KANK1: variants seen among roughly 807,000 people sequenced by gnomAD.
The protein encoded by KANK1 is KN motif and ankyrin repeat domain-containing protein 1.
A neutral mutation model predicts 106.2 loss-of-function variants in KANK1; 109 were observed. That is an observed-to-expected ratio of 1.03 (90% CI 0.88 to 1.20). KANK1 has a LOEUF of 1.20. Ranked by LOEUF, KANK1 falls within the 50% of genes most tolerant of loss-of-function variation. The probability of loss-of-function intolerance (pLI) is 0.00; values close to 1 mark genes in which losing one functional copy is unlikely to be tolerated. For missense variants in KANK1, 2,399 were observed against 1,710.7 expected (o/e 1.40, Z -7.10); for synonymous variants, 873 against 652.2 (o/e 1.34, Z -5.16).
chr9:520,263 G>C (rs893006351), intron 1 of KANK1, among the ~76,000 whole-genome samples: 58 of 151,788 alleles, frequency 3.8e-4, no homozygotes, highest in Admixed American at 3.8e-3. Flanking sequence ...ACCTCAGCCT[G>C]GGGAGGTTAA....
At chr9:661,135 C>T (rs10975623) in intron 1 of KANK1, among the ~76,000 whole-genome samples, 135,363 of 151,594 alleles carry the variant, frequency 0.89, 60,570 homozygotes, top group East Asian at 0.97. Flanking sequence ...ATTTAAACCC[C>T]TTTTTTAAAT....
chr9:506,223 A>G (rs7846750), intron 1 of KANK1, among the ~76,000 whole-genome samples: 19,848 of 152,120 alleles, frequency 0.13, 2,163 homozygotes, highest in African/African-American at 0.3. Context: ...TTTTTCTAAG[A>G]TAGAGACTGA....
At chr9:562,926 A>G (rs1013500865) in intron 1 of KANK1, among the ~76,000 whole-genome samples, 1 of 152,194 alleles carries the variant, frequency 6.6e-6, no homozygotes, top group African/African-American at 2.4e-5. Context: ...CACATTAGAG[A>G]GGCACCCATG....
At position 505,682 on chromosome 9, in the gene KANK1, T is replaced by C. The variant is rs1041047739; in HGVS notation, c.-84+928T>C. Among the ~76,000 whole-genome samples the C allele has an allele frequency of 4.6e-5, 7 of 152,342 alleles. No homozygotes were observed. The South Asian group carries it at 1.0e-3, about 23-fold the overall frequency. On this transcript the variant is annotated intron_variant, in intron 1 of 11. Transcript: ENST00000382297. ...TGGGCGAGTTGGCGTTAACAATTTA[T>C]GGCGTCCGCCAGCGCTCGCTTTCCG...
intron 1 of KANK1, among the ~76,000 whole-genome samples, chr9:641,546 G>T (rs1010047001): frequency 4.6e-5 from 7 of 152,286 alleles, no homozygotes; most frequent in Middle Eastern, 3.4e-3. Context: ...TAAGCGTTGG[G>T]ATTCCAAGGC....
At chr9:580,659 A>G (rs58060168) in intron 1 of KANK1, among the ~76,000 whole-genome samples, 9,566 of 152,270 alleles carry the variant, frequency 0.063, 791 homozygotes, top group East Asian at 0.23. Context: ...TTAGCTAGAC[A>G]TAAAGGTTCT....
Position 563,363 on chromosome 9 carries a change from C to G in KANK1, c.-84+58609C>G, listed in dbSNP as rs755673824. Among the ~76,000 whole-genome samples the G allele has an allele frequency of 5.3e-5, 8 of 152,284 alleles. 1 individual carries two copies. In the South Asian group the frequency reaches 8.3e-4, roughly 16 times the overall value. ...TCTTAAACTGTGAATATTCCATTAA[C>G]TGAGAACTCTGAACAGCCATTGTGT... On this transcript the variant is annotated intron_variant, in intron 1 of 11. Transcript: ENST00000382297.
In KANK1 at chr9:525,634, G is replaced by A. The variant is rs901544961; in HGVS notation, c.-84+20880G>A. On this transcript the variant is annotated intron_variant, in intron 1 of 11. Coordinates refer to ENST00000382297, the MANE Select transcript of KANK1 (RefSeq NM_015158.5). ...GGCCTCAAGTGATCTGCCTGCCTCC[G>A]CTTCCCAAAGTGAGGCATACAAAAA... Among the ~76,000 whole-genome samples the A allele has an allele frequency of 4.6e-5, 7 of 151,658 alleles. 1 individual carries two copies. Among genetic ancestry groups the A allele is most frequent in the African/African-American group, 1.2e-4 (5 of 41,040 alleles).
chr9:504,478 G>A (rs991744929), upstream of KANK1, among the ~76,000 whole-genome samples: 2 of 151,638 alleles, frequency 1.3e-5, no homozygotes, highest in African/African-American at 4.8e-5. Context: ...GGAGCCGGGC[G>A]TCCTCTGGGC....
At chr9:657,644 C>T (rs139013521) in intron 1 of KANK1, among the ~76,000 whole-genome samples, 1 of 152,066 alleles carries the variant, frequency 6.6e-6, no homozygotes, top group African/African-American at 2.4e-5. Flanking sequence ...TTTTTAAACT[C>T]CAAATTCAGT....
At chr9:479,910 T>A (rs2058173590) in intron 3 of KANK1, among the ~76,000 whole-genome samples, 1 of 152,230 alleles carries the variant, frequency 6.6e-6, no homozygotes, top group Admixed American at 6.5e-5. Context: ...GAACAGTGAT[T>A]TATTATATGC....
At chr9:617,064 AT>A (rs925821766) in intron 1 of KANK1, among the ~76,000 whole-genome samples, 8 of 151,708 alleles carry the variant, frequency 5.3e-5, no homozygotes, top group Admixed American at 1.3e-4. Context: ...AGAGAGAATA[AT>A]TTTTTTTTAA....
chr9:674,948 G>A (rs1371238997), intron 1 of KANK1, among the ~76,000 whole-genome samples: 1 of 151,984 alleles, frequency 6.6e-6, no homozygotes, highest in Non-Finnish European at 1.5e-5. Context: ...CAGGTGATCT[G>A]CCTGCGTCAG....
At chr9:664,517 A>G (rs1487595024) in intron 1 of KANK1, among the ~76,000 whole-genome samples, 1 of 152,104 alleles carries the variant, frequency 6.6e-6, no homozygotes, top group African/African-American at 2.4e-5. Context: ...GGCTGGTCTC[A>G]AACTCCTGGA....
intron 1 of KANK1, among the ~76,000 whole-genome samples, chr9:524,681 C>T (rs1173840440): frequency 6.6e-6 from 1 of 151,514 alleles, no homozygotes; most frequent in East Asian, 1.9e-4. Context: ...CGACACCCGG[C>T]TAATTTTTGT....
chr9:729,383 G>A (rs1831601399), intron 3 of KANK1, among the ~76,000 whole-genome samples: 1 of 152,216 alleles, frequency 6.6e-6, no homozygotes, highest in African/African-American at 2.4e-5. Flanking sequence ...TCAGGGAAGG[G>A]TCTGAAGAGG....
intron 1 of KANK1, among the ~76,000 whole-genome samples, chr9:570,206 T>G (rs576826662): frequency 1.2e-4 from 18 of 152,210 alleles, no homozygotes; most frequent in African/African-American, 4.3e-4. Context: ...GTGTGTACAT[T>G]TGGGGACAAA....
intron 1 of KANK1, among the ~76,000 whole-genome samples, chr9:593,200 A>G (rs547337556): frequency 4.6e-5 from 7 of 151,904 alleles, no homozygotes; most frequent in Non-Finnish European, 5.9e-5. Flanking sequence ...TTGGCAGACC[A>G]TGTGTTCCAG....
chr9:630,427 T>C (rs1354536030), intron 1 of KANK1, among the ~76,000 whole-genome samples: 4 of 151,954 alleles, frequency 2.6e-5, no homozygotes, highest in Non-Finnish European at 5.9e-5. Context: ...GGCGGGCGCC[T>C]GTAGTCCCAG....
Sources: allele counts gnomAD v4.1 joint callset (sites outside exome capture counted in the v4.1 genomes callset), GRCh38; gene constraint gnomAD v4.1.1; transcripts MANE v1.5; gene names NCBI Gene and HGNC (gene_info 2026-07-23, HGNC 2026-07-21).